SLC14A2: variants seen among roughly 807,000 people sequenced by gnomAD.
SLC14A2 encodes the protein urea transporter 2.
A neutral mutation model predicts 104.6 loss-of-function variants in SLC14A2; 91 were observed. The ratio of observed to expected loss-of-function variants is 0.87; its 90% CI spans 0.73 to 1.04. The LOEUF (loss-of-function observed/expected upper bound fraction) is 1.04, where lower values mean the gene tolerates loss of function less well. Ranked by LOEUF, SLC14A2 falls within the 50% of genes least tolerant of loss-of-function variation. The pLI is 0.00. For missense variants in SLC14A2, 1,189 were observed against 1,156.0 expected (o/e 1.03, Z -0.41); for synonymous variants, 476 against 466.4 (o/e 1.02, Z -0.27).
rs1392424021 is a variant in SLC14A2 at position 45,657,487 on chromosome 18, G to T, written c.1352-6298G>T. Reference sequence around the variant, plus strand: ...GGGTGACAGAGCGAGACTGTGTCAAGGAAAAAAAAAAAAAAAGAAAGGAAA... The same window carrying T: ...GGGTGACAGAGCGAGACTGTGTCAATGAAAAAAAAAAAAAAAGAAAGGAAA... On this transcript the variant is annotated intron_variant, in intron 10 of 19. Transcript: ENST00000255226. Among the ~76,000 whole-genome samples, 5 of 101,590 alleles carry T rather than the reference G, an allele frequency of 4.9e-5. No homozygotes were observed. The Admixed American group carries it at 5.1e-4, about 10-fold the overall frequency. 66.6% of individuals were successfully genotyped at this position (101,590 alleles called of 152,430 possible).
chr18:45,450,633 A>C (rs1424136323), intron 1 of SLC14A2, among the ~76,000 whole-genome samples: 1 of 152,222 alleles, frequency 6.6e-6, no homozygotes. Flanking sequence ...ACTGCAGGGG[A>C]TAACATCACG....
intron 2 of SLC14A2, among the ~76,000 whole-genome samples, chr18:45,580,952 A>AGCAGGAG (rs147451254): frequency 2.0e-5 from 3 of 152,110 alleles, no homozygotes; most frequent in Non-Finnish European, 4.4e-5. Flanking sequence ...AACCAGGCTG[A>AGCAGGAG]GCAGGAGGCA....
Position 45,392,673 on chromosome 18 carries a change from A to G in SLC14A2, c.-124-90560A>G, listed in dbSNP as rs184828992. Among the ~76,000 whole-genome samples the G allele has an allele frequency of 3.2e-3, 484 of 152,342 alleles. 1 individual carries two copies. The highest frequency in any genetic ancestry group is 5.4e-3 in the Non-Finnish European group (370 of 68,020). On this transcript the variant is annotated intron_variant, in intron 1 of 20. Coordinates refer to the SLC14A2 transcript ENST00000586448. ...ATATATACCTATATTTAGTGCAAAA[A>G]TATGTCATTTAAAATTCCCACTTTG...
chr18:45,426,088 C>T (rs1380861510), intron 1 of SLC14A2, among the ~76,000 whole-genome samples: 1 of 152,170 alleles, frequency 6.6e-6, no homozygotes, highest in Non-Finnish European at 1.5e-5. Flanking sequence ...GCCAACCCAA[C>T]TCTCCTGCTC....
intron 1 of SLC14A2, among the ~76,000 whole-genome samples, chr18:45,425,228 G>A (rs530371433): frequency 6.6e-6 from 1 of 152,138 alleles, no homozygotes; most frequent in African/African-American, 2.4e-5. Flanking sequence ...ACCCTCCATA[G>A]CCCACTCTTA....
At chr18:45,632,322 A>C (rs1342725288) in intron 4 of SLC14A2, 28 bp from the exon 5 acceptor site, 4 of 1,604,276 alleles carry the variant, frequency 2.5e-6, no homozygotes. Context: ...CCAACTTCAA[A>C]TGCAAAATCA....
intron 2 of SLC14A2, among the ~76,000 whole-genome samples, chr18:45,488,445 G>T (rs1421182): frequency 6.6e-6 from 1 of 151,980 alleles, no homozygotes; most frequent in Non-Finnish European, 1.5e-5. Context: ...AGCAGGTACT[G>T]GTGGTCAAAA....
At chr18:45,561,414 G>A (rs1282316519) in intron 2 of SLC14A2, among the ~76,000 whole-genome samples, 2 of 152,162 alleles carry the variant, frequency 1.3e-5, no homozygotes, top group Non-Finnish European at 2.9e-5. Context: ...TGCTAGGGCT[G>A]CGGAACCCAG....
intron 1 of SLC14A2, among the ~76,000 whole-genome samples, chr18:45,364,184 T>C (rs1168536021): frequency 1.3e-5 from 2 of 152,176 alleles, no homozygotes; most frequent in East Asian, 3.9e-4. Context: ...GGACATTTTA[T>C]TCCCTGCTCT....
Position 45,420,294 on chromosome 18 carries a change from C to T in SLC14A2, c.-124-62939C>T, listed in dbSNP as rs1000183414. Among the ~76,000 whole-genome samples, 79 of 151,598 alleles carry T rather than the reference C, an allele frequency of 5.2e-4. 4 individuals carry two copies. The highest frequency in any genetic ancestry group is 1.5e-5 in the Non-Finnish European group (1 of 68,020). ...GAGTTATTCAAGATACTAAGCAAGA[C>T]GTCTTTATGAACCAGCCTTGGAAGT... On this transcript the variant is annotated intron_variant, in intron 1 of 20. Coordinates refer to the SLC14A2 transcript ENST00000586448.
intron 1 of SLC14A2, among the ~76,000 whole-genome samples, chr18:45,421,960 C>T (rs2086354971): frequency 6.6e-6 from 1 of 152,182 alleles, no homozygotes; most frequent in South Asian, 2.1e-4. Flanking sequence ...TAGAATATGA[C>T]ACATCCAATG....
chr18:45,410,058 A>G (rs989948684), intron 1 of SLC14A2, among the ~76,000 whole-genome samples: 3 of 152,174 alleles, frequency 2.0e-5, no homozygotes. Context: ...TTAGATTCTC[A>G]TAAGGAGCAC....
At position 45,624,613 on chromosome 18, in the gene SLC14A2, C is replaced by T; in HGVS notation, c.-34-18C>T. The T allele has an allele frequency of 6.4e-7, 1 of 1,565,424 alleles. No homozygotes were observed. The highest frequency in any genetic ancestry group is 1.4e-5 in the African/African-American group (1 of 74,050). On this transcript the variant is annotated intron_variant, in intron 1 of 19. Coordinates refer to ENST00000255226, the MANE Select transcript of SLC14A2 (RefSeq NM_007163.4). Reference sequence around the variant, plus strand: ...CCCCGTCCTGACTCACTAGCTCTTTCCCTTTCCTTCCGTCTAGTCCATCGA... The same window carrying T: ...CCCCGTCCTGACTCACTAGCTCTTTTCCTTTCCTTCCGTCTAGTCCATCGA...
intron 1 of SLC14A2, among the ~76,000 whole-genome samples, chr18:45,228,252 A>G (rs996123932): frequency 6.6e-6 from 1 of 152,252 alleles, no homozygotes; most frequent in African/African-American, 2.4e-5. Context: ...ATTGGAAAAG[A>G]ATATTTGGTC....
At chr18:45,664,912 C>T (rs147224823) in intron 11 of SLC14A2, among the ~76,000 whole-genome samples, 1,606 of 152,182 alleles carry the variant, frequency 0.011, 25 homozygotes, top group African/African-American at 0.037. Context: ...CTCCTAACAT[C>T]GTCTCAGGAT....
the SLC14A2 span, among the ~76,000 whole-genome samples, chr18:45,206,438 C>T: frequency 6.6e-6 from 1 of 152,220 alleles, no homozygotes; most frequent in Admixed American, 6.5e-5. Context: ...CGTACACACA[C>T]ACACACACAG....
the SLC14A2 span, among the ~76,000 whole-genome samples, chr18:45,182,717 G>T: frequency 6.6e-6 from 1 of 151,968 alleles, no homozygotes; most frequent in African/African-American, 2.4e-5. Flanking sequence ...TAAAGTAGAA[G>T]AGTATAAAAT....
At chr18:45,347,669 C>G (rs1364695865) in intron 1 of SLC14A2, among the ~76,000 whole-genome samples, 2 of 152,134 alleles carry the variant, frequency 1.3e-5, no homozygotes, top group Non-Finnish European at 2.9e-5. Flanking sequence ...TTGGAAGGTA[C>G]CTCCTACCTT....
chr18:45,431,074 T>G (rs1249163836), intron 1 of SLC14A2, among the ~76,000 whole-genome samples: 1 of 152,148 alleles, frequency 6.6e-6, no homozygotes, highest in Non-Finnish European at 1.5e-5. Context: ...ATCATTTACC[T>G]TTTATTTGGA....
Sources: gnomAD v4.1 joint callset for allele counts (sites outside exome capture counted in the v4.1 genomes callset) on GRCh38, gnomAD v4.1.1 for gene constraint, MANE v1.5 for transcripts, NCBI Gene and HGNC (gene_info 2026-07-23, HGNC 2026-07-21) for gene names.